The following TIFAB variants were observed in gnomAD, a reference collection of about 807,000 sequenced individuals.
TIFAB encodes the protein TRAF-interacting protein with FHA domain-containing protein B.
For synonymous variants in TIFAB, 116 were observed against 95.2 expected, an observed-to-expected ratio of 1.22 and a Z score of -1.27; for missense variants, 222 against 203.6, an observed-to-expected ratio of 1.09 and a Z score of -0.55.
rs376415550 is a variant in TIFAB at position 135,449,676 on chromosome 5, C to T, written c.264G>A (p.Gly88=). 2.5e-6 allele frequency: 4 copies of T among 1,614,070 alleles called. No homozygotes were observed. Among genetic ancestry groups the T allele is most frequent in the African/African-American group, 2.7e-5 (2 of 74,950 alleles). ...CCTGCTCCAGGTACCTCAGCGTCAG[C>T]CCATTGACCCACACACAGCCCTTGC... is the stretch of plus-strand genomic sequence containing the variant. The part of the protein sequence containing the change: ...LSRKGCVWVN[G]LTLRYLEQVP... Residue 88 remains glycine (G), a synonymous_variant, in exon 2 of 2, where the codon GGG becomes GGA. Transcript: ENST00000537858.
chr5:135,450,516 T>C (rs1170910006), intron 1 of TIFAB: 1 of 152,368 alleles, frequency 6.6e-6, no homozygotes, highest in Non-Finnish European at 1.5e-5. Flanking sequence ...ATGCTTAGCC[T>C]AGTCCTGGCC....
In TIFAB at chr5:135,446,855, G is replaced by GC. The variant is rs548763373; in HGVS notation, c.*2598dup. ...GAGTCCCCTGTGGAGGAATTGAACTGCCCCCTCTCGCAGGACCCCAGCTGG... is the reference window on the plus strand; with the variant it reads ...GAGTCCCCTGTGGAGGAATTGAACTGCCCCCCTCTCGCAGGACCCCAGCTGG... On this transcript the variant is annotated 3_prime_UTR_variant, in exon 2 of 2. Coordinates refer to ENST00000537858, the MANE Select transcript of TIFAB (RefSeq NM_001099221.2). 22 of 1,613,904 alleles carry GC rather than the reference G, an allele frequency of 1.4e-5. No homozygotes were observed. The South Asian group carries it at 2.4e-4, about 18-fold the overall frequency.
Position 135,446,602 on chromosome 5 carries a change from A to G in TIFAB, c.*2852T>C. The stretch of plus-strand genomic sequence containing the variant: ...GTGATTTTCTACTCAAGAAAAATGA[A>G]GTCTCGGATGGGCAGAGCTTAACTG... On this transcript the variant is annotated 3_prime_UTR_variant, in exon 2 of 2. Coordinates refer to ENST00000537858, the MANE Select transcript of TIFAB (RefSeq NM_001099221.2). The G allele has an allele frequency of 6.2e-7, 1 of 1,614,036 alleles. No individual in the cohort carries two copies. The highest frequency in any genetic ancestry group is 8.5e-7 in the Non-Finnish European group (1 of 1,179,888).
chr5:135,450,928 CAG>C (rs1236396587), intron 1 of TIFAB, among the ~76,000 whole-genome samples: 2 of 152,214 alleles, frequency 1.3e-5, no homozygotes, highest in African/African-American at 4.8e-5. Context: ...ACTCCCACAA[CAG>C]GGGGAATCCC....
rs1769295522 is a variant in TIFAB at position 135,447,661 on chromosome 5, GT to G, written c.*1792del. 6.1e-6 allele frequency: 1 copy of G among 164,788 alleles called. No homozygotes were observed. Among genetic ancestry groups the G allele is most frequent in the East Asian group, 1.9e-4 (1 of 5,380 alleles). 10.2% of individuals were successfully genotyped at this position (164,788 alleles called of 1,614,324 possible). On this transcript the variant is annotated 3_prime_UTR_variant, in exon 2 of 2. Coordinates refer to ENST00000537858, the MANE Select transcript of TIFAB (RefSeq NM_001099221.2). The stretch of plus-strand genomic sequence containing the variant: ...TCAGTTTCCTTATCTGTTAAGTGCA[GT>G]TAATACACACAGCACCTAGCAGAGT...
rs1769258391 is a variant in TIFAB at position 135,446,280 on chromosome 5, G to C, written c.*3174C>G. The C allele has an allele frequency of 6.8e-7, 1 of 1,461,698 alleles. No homozygotes were observed. The highest frequency in any genetic ancestry group is 1.4e-5 in the South Asian group (1 of 73,106). The allele number at this position is 1,461,698 out of a possible 1,614,324, so 90.5% of individuals were successfully genotyped here. The stretch of plus-strand genomic sequence containing the variant: ...TCTAACCCAGGCAGCAGTCTGACCA[G>C]AGGGCCCTAGCTGGGAGCAGCGTTC... On this transcript the variant is annotated 3_prime_UTR_variant, in exon 2 of 2. Coordinates refer to ENST00000537858, the MANE Select transcript of TIFAB (RefSeq NM_001099221.2).
Position 135,446,259 on chromosome 5 carries a change from A to T in TIFAB, c.*3195T>A. The T allele has an allele frequency of 1.5e-6, 2 of 1,323,456 alleles. No homozygotes were observed. Among genetic ancestry groups the T allele is most frequent in the East Asian group, 4.7e-5 (2 of 42,818 alleles). The allele number at this position is 1,323,456 out of a possible 1,614,324, so 82.0% of individuals were successfully genotyped here. ...AGTGGGGGTGGGGACAAGAATTCTA[A>T]CCCAGGCAGCAGTCTGACCAGAGGG... is the stretch of plus-strand genomic sequence containing the variant. On this transcript the variant is annotated 3_prime_UTR_variant, in exon 2 of 2. Transcript: ENST00000537858.
rs139885262 is a variant in TIFAB, at chr5:135,446,397, T to C, written c.*3057A>G. On this transcript the variant is annotated 3_prime_UTR_variant, in exon 2 of 2. Transcript: ENST00000537858. ...GTTCACTCAGGCACGTGGGCTGCCC[T>C]GCGGTGGGAGCTGAGAGAATGCAGT... 3,014 of 1,607,190 alleles carry C rather than the reference T, an allele frequency of 1.9e-3. 4 individuals are homozygous for C. Among genetic ancestry groups the C allele is most frequent in the Non-Finnish European group, 2.0e-3 (2,329 of 1,174,704 alleles).
In TIFAB at chr5:135,446,279, A is replaced by G. The variant is rs1769258286; in HGVS notation, c.*3175T>C. The G allele has an allele frequency of 9.0e-6, 13 of 1,447,470 alleles. No individual in the cohort carries two copies. Among genetic ancestry groups the G allele is most frequent in the Non-Finnish European group, 9.3e-7 (1 of 1,072,986 alleles). 89.7% of individuals were successfully genotyped at this position (1,447,470 alleles called of 1,614,324 possible). ...TTCTAACCCAGGCAGCAGTCTGACC[A>G]GAGGGCCCTAGCTGGGAGCAGCGTT... On this transcript the variant is annotated 3_prime_UTR_variant, in exon 2 of 2. Coordinates refer to ENST00000537858, the MANE Select transcript of TIFAB (RefSeq NM_001099221.2).
rs1487116843 is a variant in TIFAB at position 135,445,779 on chromosome 5, C to G, written c.*3675G>C. On this transcript the variant is annotated 3_prime_UTR_variant, in exon 2 of 2. Coordinates refer to ENST00000537858, the MANE Select transcript of TIFAB (RefSeq NM_001099221.2). ...GACTTCCTCATGGCAGAGCCCCACACTGTGGCTGTTTATGGAGCATTTGCA... is the reference window on the plus strand; with the variant it reads ...GACTTCCTCATGGCAGAGCCCCACAGTGTGGCTGTTTATGGAGCATTTGCA... 2 of 152,728 alleles carry G rather than the reference C, an allele frequency of 1.3e-5. No homozygotes were observed. The highest frequency in any genetic ancestry group is 4.8e-5 in the African/African-American group (2 of 41,458). The allele number at this position is 152,728 out of a possible 1,614,324, so 9.5% of individuals were successfully genotyped here.
chr5:135,447,199 A>T lies in TIFAB; in HGVS notation c.*2255T>A, dbSNP rs1214548770. 1.1e-5 allele frequency: 17 copies of T among 1,523,884 alleles called. 1 individual carries two copies. Among genetic ancestry groups the T allele is most frequent in the Middle Eastern group, 1.8e-4 (1 of 5,632 alleles). 94.4% of individuals were successfully genotyped at this position (1,523,884 alleles called of 1,614,324 possible). A position where few individuals can be genotyped will look rare whatever the true frequency, so the allele number is the denominator to read the frequency against. Reference sequence around the variant, plus strand: ...GCTTCTTCTCCTTGCCAGCCCTACCAGGGCATCTCCCATTATACTAACCCT... The same window carrying T: ...GCTTCTTCTCCTTGCCAGCCCTACCTGGGCATCTCCCATTATACTAACCCT... On this transcript the variant is annotated 3_prime_UTR_variant, in exon 2 of 2. Coordinates refer to ENST00000537858, the MANE Select transcript of TIFAB (RefSeq NM_001099221.2).
Position 135,449,424 on chromosome 5 carries a change from C to T in TIFAB, c.*30G>A, listed in dbSNP as rs760028197. 1.2e-6 allele frequency: 2 copies of T among 1,607,568 alleles called. No individual in the cohort carries two copies. Among genetic ancestry groups the T allele is most frequent in the South Asian group, 1.1e-5 (1 of 90,558 alleles). On this transcript the variant is annotated 3_prime_UTR_variant, in exon 2 of 2. Coordinates refer to ENST00000537858, the MANE Select transcript of TIFAB (RefSeq NM_001099221.2). ...GGGCTGTCCCAAGTCTGGGAAGGGC[C>T]GTGGAGAAACCCCAGGCAACCTGGA...
At position 135,447,129 on chromosome 5, in the gene TIFAB, C is replaced by A; in HGVS notation, c.*2325G>T. On this transcript the variant is annotated 3_prime_UTR_variant, in exon 2 of 2. Coordinates refer to ENST00000537858, the MANE Select transcript of TIFAB (RefSeq NM_001099221.2). Reference sequence around the variant, plus strand: ...TGCATAGTTGGGGGACCATTTTGGTCAGTGACAGATCACTGCTGCTTTTCA... The same window carrying A: ...TGCATAGTTGGGGGACCATTTTGGTAAGTGACAGATCACTGCTGCTTTTCA... 1 of 1,613,848 alleles carries A rather than the reference C, an allele frequency of 6.2e-7. No individual in the cohort carries two copies. The highest frequency in any genetic ancestry group is 1.1e-5 in the South Asian group (1 of 91,016).
chr5:135,445,181 A>G lies in TIFAB; in HGVS notation c.*4273T>C, dbSNP rs997390838. 6.6e-6 allele frequency: 1 copy of G among 152,108 alleles called. No homozygotes were observed. The highest frequency in any genetic ancestry group is 2.4e-5 in the African/African-American group (1 of 41,392). The allele number at this position is 152,108 out of a possible 1,614,324, so 9.4% of individuals were successfully genotyped here. A position where few individuals can be genotyped will look rare whatever the true frequency, so the allele number is the denominator to read the frequency against. On this transcript the variant is annotated 3_prime_UTR_variant, in exon 2 of 2. Coordinates refer to ENST00000537858, the MANE Select transcript of TIFAB (RefSeq NM_001099221.2). ...AGGGGACAGGAAGTGCTGACTGAGA[A>G]CTGTCTCTCTGTGACATGCACCCTG...
At position 135,446,297 on chromosome 5, in the gene TIFAB, G is replaced by A; in HGVS notation, c.*3157C>T. 8 of 1,502,820 alleles carry A rather than the reference G, an allele frequency of 5.3e-6. No homozygotes were observed. Among genetic ancestry groups the A allele is most frequent in the Non-Finnish European group, 7.1e-6 (8 of 1,120,796 alleles). The allele number at this position is 1,502,820 out of a possible 1,614,324, so 93.1% of individuals were successfully genotyped here. On this transcript the variant is annotated 3_prime_UTR_variant, in exon 2 of 2. Coordinates refer to ENST00000537858, the MANE Select transcript of TIFAB (RefSeq NM_001099221.2). ...TCTGACCAGAGGGCCCTAGCTGGGA[G>A]CAGCGTTCATGTGCACTGTATGTTC...
Position 135,446,303 on chromosome 5 carries a change from T to C in TIFAB, c.*3151A>G, listed in dbSNP as rs1264546907. 4.0e-6 allele frequency: 6 copies of C among 1,515,202 alleles called. No homozygotes were observed. Among genetic ancestry groups the C allele is most frequent in the East Asian group, 2.3e-5 (1 of 43,920 alleles). The allele number at this position is 1,515,202 out of a possible 1,614,324, so 93.9% of individuals were successfully genotyped here. ...CAGAGGGCCCTAGCTGGGAGCAGCG[T>C]TCATGTGCACTGTATGTTCGTGTTT... On this transcript the variant is annotated 3_prime_UTR_variant, in exon 2 of 2. Transcript: ENST00000537858.
rs1260484767 is a variant in TIFAB, at chr5:135,447,822, T to G, written c.*1632A>C. 6.6e-6 allele frequency: 1 copy of G among 152,304 alleles called. No homozygotes were observed. The highest frequency in any genetic ancestry group is 1.5e-5 in the Non-Finnish European group (1 of 68,100). The allele number at this position is 152,304 out of a possible 1,614,324, so 9.4% of individuals were successfully genotyped here. ...ATCAAATAAGTAATGCACTCCTGAA[T>G]GCTTGACTTTCCTGAGTGCAAGGTA... On this transcript the variant is annotated 3_prime_UTR_variant, in exon 2 of 2. Coordinates refer to ENST00000537858, the MANE Select transcript of TIFAB (RefSeq NM_001099221.2).
Position 135,449,200 on chromosome 5 carries a change from G to A in TIFAB, c.*254C>T, listed in dbSNP as rs116205584. The stretch of plus-strand genomic sequence containing the variant: ...CTTCTCCCCCCTGGGCTGTTTGTTC[G>A]GTGTTTGCAGAATTGGTTCATTATG... On this transcript the variant is annotated 3_prime_UTR_variant, in exon 2 of 2. Coordinates refer to ENST00000537858, the MANE Select transcript of TIFAB (RefSeq NM_001099221.2). 393 of 553,218 alleles carry A rather than the reference G, an allele frequency of 7.1e-4. 2 individuals are homozygous for A. Among genetic ancestry groups the A allele is most frequent in the African/African-American group, 6.7e-3 (355 of 53,060 alleles). 34.3% of individuals were successfully genotyped at this position (553,218 alleles called of 1,614,324 possible). A position where few individuals can be genotyped will look rare whatever the true frequency, so the allele number is the denominator to read the frequency against.
Position 135,449,663 on chromosome 5 carries a change from AC to A in TIFAB, c.276del (p.Arg92SerfsTer8). On this transcript the variant is annotated frameshift_variant, in exon 2 of 2. Coordinates refer to ENST00000537858, the MANE Select transcript of TIFAB (RefSeq NM_001099221.2). LOFTEE classifies it low-confidence loss of function (END_TRUNC). ...GCVWVNGLTL[R>X]YLEQVPLSTV... The stretch of plus-strand genomic sequence containing the variant: ...GTGCTCAGGGGGACCTGCTCCAGGT[AC>A]CTCAGCGTCAGCCCATTGACCCACA... 4 of 1,614,146 alleles carry A rather than the reference AC, an allele frequency of 2.5e-6. No homozygotes were observed. Among genetic ancestry groups the A allele is most frequent in the Non-Finnish European group, 3.4e-6 (4 of 1,180,034 alleles).
Sources: allele counts gnomAD v4.1 joint callset (sites outside exome capture counted in the v4.1 genomes callset), GRCh38; gene constraint gnomAD v4.1.1; transcripts MANE v1.5; gene names NCBI Gene and HGNC (gene_info 2026-07-23, HGNC 2026-07-21).